The following NUP98 variants were observed in gnomAD, a reference collection of about 807,000 sequenced individuals.
The protein encoded by NUP98 is nucleoporin 98 and 96 precursor.
Under a neutral mutation model 191.9 loss-of-function variants are expected in NUP98, and 26 were observed. The observed-to-expected ratio is 0.14, with a 90% CI of 0.10 to 0.19. The LOEUF is 0.19. Ranked by LOEUF, NUP98 falls within the 10% of genes least tolerant of loss-of-function variation. The pLI is 1.00. For missense variants in NUP98, 1,941 were observed against 2,178.8 expected, an observed-to-expected ratio of 0.89 and a Z score of 2.17; for synonymous variants, 808 against 778.4, an observed-to-expected ratio of 1.04 and a Z score of -0.63.
At chr11:3,682,517 AAG>A (rs1471512900) in intron 30 of NUP98, among the ~76,000 whole-genome samples, 2 of 152,198 alleles carry the variant, frequency 1.3e-5, no homozygotes, top group Non-Finnish European at 2.9e-5. Context: ...GGAAGGCCCA[AAG>A]AGAGGGAAAG....
At chr11:3,753,208 A>G in intron 11 of NUP98, 108 bp downstream of exon 11, 5 of 932,914 alleles carry the variant, frequency 5.4e-6, no homozygotes, top group Non-Finnish European at 8.5e-6. Context: ...AAAAACGAAA[A>G]GGTAGACTTC....
At chr11:3,791,041 G>A (rs1369282756) in intron 1 of NUP98, among the ~76,000 whole-genome samples, 2 of 151,828 alleles carry the variant, frequency 1.3e-5, no homozygotes, top group African/African-American at 4.8e-5. Context: ...GATTACAGGC[G>A]CCCGCCACCA....
intron 10 of NUP98, among the ~76,000 whole-genome samples, chr11:3,759,533 T>C (rs529221404): frequency 6.6e-6 from 1 of 151,744 alleles, no homozygotes; most frequent in East Asian, 1.9e-4. Context: ...GGAGGCAGAG[T>C]TTGCAGTGAG....
intron 10 of NUP98, among the ~76,000 whole-genome samples, chr11:3,755,403 TAC>T (rs1315732934): frequency 2.0e-5 from 3 of 151,726 alleles, no homozygotes; most frequent in African/African-American, 7.3e-5. Flanking sequence ...GGCAGAGGGT[TAC>T]AGTGAGCTGA....
At position 3,760,998 on chromosome 11, in the gene NUP98, A is replaced by G. The variant is rs955123101; in HGVS notation, c.1087-372T>C. 4.6e-5 allele frequency among the ~76,000 whole-genome samples: 7 copies of G among 152,250 alleles called. No individual in the cohort carries two copies. The South Asian group carries it at 1.2e-3, about 27-fold the overall frequency. On this transcript the variant is annotated intron_variant, in intron 9 of 32. Transcript: ENST00000324932. The stretch of plus-strand genomic sequence containing the variant: ...TGCTTTGCCAGAAGAAATCACTACA[A>G]GAAAAACTTTGAACATGCTACATGG...
At chr11:3,681,291 T>C (rs76051914) in intron 30 of NUP98, among the ~76,000 whole-genome samples, 1 of 152,188 alleles carries the variant, frequency 6.6e-6, no homozygotes, top group Non-Finnish European at 1.5e-5. Context: ...ATCTGCCGCT[T>C]TGGCCTCCCA....
At chr11:3,742,003 T>A (rs1564870928) in intron 12 of NUP98, among the ~76,000 whole-genome samples, 1 of 152,122 alleles carries the variant, frequency 6.6e-6, no homozygotes, top group African/African-American at 2.4e-5. Context: ...AGAAAATAAA[T>A]AAAGAGAAAA....
chr11:3,712,066 A>G (rs891534915), intron 20 of NUP98: 3 of 1,048,854 alleles, frequency 2.9e-6, no homozygotes, highest in Non-Finnish European at 3.5e-6. Context: ...TTTCATAAAG[A>G]TTATGTACTA....
intron 16 of NUP98, among the ~76,000 whole-genome samples, chr11:3,721,701 A>AAGGG (rs1380746286): frequency 9.3e-5 from 14 of 151,092 alleles, no homozygotes; most frequent in South Asian, 2.1e-4. Context: ...ACTCGGAAGG[A>AAGGG]AGGGAGGGAG....
intron 22 of NUP98, among the ~76,000 whole-genome samples, chr11:3,704,724 T>C (rs916709997): frequency 3.3e-5 from 5 of 152,228 alleles, no homozygotes; most frequent in African/African-American, 1.2e-4. Flanking sequence ...CGGCCACTCC[T>C]GCCAGGTGCA....
intron 28 of NUP98, among the ~76,000 whole-genome samples, chr11:3,689,973 A>G (rs1200206439): frequency 6.2e-5 from 8 of 128,454 alleles, no homozygotes; most frequent in African/African-American, 2.4e-4. Context: ...TTTTTGAGAC[A>G]AAGAGTCTTG....
intron 8 of NUP98, 24 bp downstream of exon 8, chr11:3,768,557 G>C (rs377449172): frequency 2.7e-5 from 41 of 1,511,024 alleles, no homozygotes; most frequent in Non-Finnish European, 3.6e-5. Flanking sequence ...AGACATGGAG[G>C]TAAGTAAGGG....
At chr11:3,694,400 C>T (rs1429767465) in intron 26 of NUP98, among the ~76,000 whole-genome samples, 1 of 150,814 alleles carries the variant, frequency 6.6e-6, no homozygotes, top group East Asian at 1.9e-4. Context: ...AAAAATAACG[C>T]TTCATGACAT....
intron 1 of NUP98, among the ~76,000 whole-genome samples, chr11:3,785,527 G>C (rs545134785): frequency 9.8e-5 from 15 of 152,314 alleles, no homozygotes; most frequent in African/African-American, 3.4e-4. Flanking sequence ...GGGAGGCCAA[G>C]GTGGGCAGAT....
chr11:3,787,637 T>C (rs1052886969), intron 1 of NUP98, among the ~76,000 whole-genome samples: 2 of 152,002 alleles, frequency 1.3e-5, no homozygotes, highest in African/African-American at 2.4e-5. Context: ...CTAAAAATTG[T>C]TGCTCAAGCC....
At chr11:3,752,256 A>C (rs908285885) in intron 11 of NUP98, among the ~76,000 whole-genome samples, 2 of 151,026 alleles carry the variant, frequency 1.3e-5, no homozygotes, top group African/African-American at 4.9e-5. Context: ...GGTGGCTCAC[A>C]CCTGTAATCC....
intron 1 of NUP98, among the ~76,000 whole-genome samples, chr11:3,782,696 C>G (rs1355600763): frequency 6.8e-6 from 1 of 147,198 alleles, no homozygotes; most frequent in Non-Finnish European, 1.5e-5. Context: ...GCGTGTGTCA[C>G]CATGCCTGTC....
chr11:3,689,862 C>T (rs1480725136), intron 28 of NUP98, among the ~76,000 whole-genome samples: 3 of 151,686 alleles, frequency 2.0e-5, no homozygotes, highest in African/African-American at 7.3e-5. Flanking sequence ...GCCTCGAACT[C>T]CTGGGCTCAA....
chr11:3,758,370 T>A (rs1371969410), intron 10 of NUP98, among the ~76,000 whole-genome samples: 2 of 150,476 alleles, frequency 1.3e-5, no homozygotes, highest in African/African-American at 4.9e-5. Context: ...TTACAGCAGG[T>A]ACAACTTAAA....
Sources: allele counts gnomAD v4.1 joint callset (sites outside exome capture counted in the v4.1 genomes callset), GRCh38; gene constraint gnomAD v4.1.1; transcripts MANE v1.5; gene names NCBI Gene and HGNC (gene_info 2026-07-23, HGNC 2026-07-21).